Variants in TDRD10 observed in about 807,000 individuals in gnomAD.
TDRD10 encodes tudor domain containing 10.
A neutral mutation model predicts 48.0 loss-of-function variants in TDRD10; 40 were observed. The observed-to-expected ratio is 0.83, with a 90% confidence interval of 0.65 to 1.09. The LOEUF is 1.09. Ranked by LOEUF, TDRD10 falls within the 50% of genes least tolerant of loss-of-function variation. TDRD10 has a pLI of 0.00. For missense variants in TDRD10, 378 were observed against 434.7 expected, an observed-to-expected ratio of 0.87 and a Z score of 1.16; for synonymous variants, 162 against 170.4, an observed-to-expected ratio of 0.95 and a Z score of 0.38.
chr1:154,542,465 T>G (rs1169637135), intron 7 of TDRD10, among the ~76,000 whole-genome samples: 1 of 152,180 alleles, frequency 6.6e-6, no homozygotes, highest in East Asian at 1.9e-4. Context: ...TTGCCTTAAG[T>G]GATCCTTCCA....
At position 154,547,700 on chromosome 1, in the gene TDRD10, A is replaced by G; in HGVS notation, c.1046A>G (p.Glu349Gly). The G allele has an allele frequency of 3.1e-6, 5 of 1,613,792 alleles. No individual in the cohort carries two copies. Among genetic ancestry groups the G allele is most frequent in the Non-Finnish European group, 4.2e-6 (5 of 1,179,898 alleles). Reference sequence around the variant, plus strand: ...CAGTTGCACATCCTAAAGTTTGAAGAGTCTAAATAACGGGGCTTCCCTCAG... The same window carrying G: ...CAGTTGCACATCCTAAAGTTTGAAGGGTCTAAATAACGGGGCTTCCCTCAG... ...NSALHILKFE[E>G]SK The change falls in exon 13 of 13, where the codon GAG becomes GGG. Residue 349 changes from glutamate (E) to glycine (G), a missense_variant. By Grantham distance (98) the Glu-to-Gly change is moderately conservative. This residue lies in a region of TDRD10 where 68 missense variants were observed against 111.1 expected (regional missense o/e 0.61). Transcript: ENST00000368482.
chr1:154,511,516 AAAT>A (rs1253434451), intron 4 of TDRD10, among the ~76,000 whole-genome samples: 2 of 150,932 alleles, frequency 1.3e-5, no homozygotes, highest in African/African-American at 4.9e-5. Flanking sequence ...TAATAATACT[AAAT>A]AATACAAAAA....
intron 5 of TDRD10, among the ~76,000 whole-genome samples, chr1:154,520,723 G>T (rs149845701): frequency 6.6e-6 from 1 of 152,240 alleles, no homozygotes; most frequent in East Asian, 1.9e-4. Context: ...TATTTTCAAG[G>T]CAGTAAAAAG....
At chr1:154,508,510 T>C in intron 4 of TDRD10, 29 bp downstream of exon 4, 8 of 1,504,944 alleles carry the variant, frequency 5.3e-6, no homozygotes, top group Non-Finnish European at 6.5e-6. Context: ...AGGCTGCTTA[T>C]CTTCCTTGGC....
At chr1:154,543,002 G>A (rs78208029) in intron 8 of TDRD10, among the ~76,000 whole-genome samples, 181 bp downstream of exon 8, 3,196 of 152,204 alleles carry the variant, frequency 0.021, 121 homozygotes, top group African/African-American at 0.074. Flanking sequence ...CCAGCCGGGG[G>A]CAGTGACTCA....
intron 6 of TDRD10, among the ~76,000 whole-genome samples, chr1:154,531,188 T>C (rs1308832298): frequency 6.6e-6 from 1 of 152,158 alleles, no homozygotes; most frequent in African/African-American, 2.4e-5. Flanking sequence ...CTTGGTTCAT[T>C]TGTTTTAAGG....
intron 4 of TDRD10, among the ~76,000 whole-genome samples, chr1:154,517,865 G>A (rs1693860015): frequency 6.6e-6 from 1 of 152,198 alleles, no homozygotes; most frequent in Non-Finnish European, 1.5e-5. Flanking sequence ...TCTGGGACCT[G>A]TACTTAGGTG....
At chr1:154,525,888 TC>T (rs1459575458) in intron 6 of TDRD10, among the ~76,000 whole-genome samples, 6 of 87,816 alleles carry the variant, frequency 6.8e-5, no homozygotes, top group Non-Finnish European at 1.3e-4. Context: ...AGAGCAAGAT[TC>T]CGTCTCAAAA....
intron 1 of TDRD10, among the ~76,000 whole-genome samples, chr1:154,506,322 AG>A (rs1183865443): frequency 6.6e-6 from 1 of 151,488 alleles, no homozygotes; most frequent in Admixed American, 6.6e-5. Context: ...TAACAACAGT[AG>A]TAGAGTCCTT....
intron 11 of TDRD10, among the ~76,000 whole-genome samples, chr1:154,545,433 A>G (rs939595343): frequency 6.6e-6 from 1 of 152,234 alleles, no homozygotes; most frequent in African/African-American, 2.4e-5. Flanking sequence ...ATAGGTGGAA[A>G]TGAAGAGGCC....
At position 154,547,922 on chromosome 1, in the gene TDRD10, G is replaced by A; in HGVS notation, c.*212G>A. On this transcript the variant is annotated 3_prime_UTR_variant, in exon 13 of 13. Transcript: ENST00000368482. ...CATGTGTCTTCAGTTCCCCAACTTG[G>A]CATGAACATTTGAACCAAACATAGG... The A allele has an allele frequency of 3.3e-6, 2 of 612,946 alleles. No individual in the cohort carries two copies. The highest frequency in any genetic ancestry group is 6.1e-5 in the Admixed American group (2 of 33,036). 38.0% of individuals were successfully genotyped at this position (612,946 alleles called of 1,614,324 possible).
At chr1:154,512,393 G>A (rs1330434232) in intron 4 of TDRD10, among the ~76,000 whole-genome samples, 1 of 152,234 alleles carries the variant, frequency 6.6e-6, no homozygotes, top group South Asian at 2.1e-4. Flanking sequence ...TGCCCAGGCT[G>A]GAGTGCAATG....
intron 6 of TDRD10, 158 bp from the exon 7 acceptor site, chr1:154,541,864 GGA>G (rs1189688637): frequency 3.2e-6 from 2 of 630,082 alleles, no homozygotes; most frequent in Non-Finnish European, 5.5e-6. Flanking sequence ...CCGTGAGGAT[GGA>G]GAGAGTGGAC....
At chr1:154,533,978 C>T (rs1043724256) in intron 6 of TDRD10, among the ~76,000 whole-genome samples, 2 of 151,818 alleles carry the variant, frequency 1.3e-5, no homozygotes, top group Admixed American at 6.6e-5. Flanking sequence ...AAGCAATCCT[C>T]GTGTCTCCAC....
At chr1:154,508,605 C>T (rs1557812958) in intron 4 of TDRD10, 124 bp downstream of exon 4, 2 of 715,492 alleles carry the variant, frequency 2.8e-6, no homozygotes, top group Non-Finnish European at 5.1e-6. Context: ...TGCAGACAGT[C>T]ACTCGTTGGT....
intron 4 of TDRD10, among the ~76,000 whole-genome samples, chr1:154,519,857 G>C (rs1693965850): frequency 6.6e-6 from 1 of 152,026 alleles, no homozygotes; most frequent in Non-Finnish European, 1.5e-5. Context: ...AGAGGAGAAG[G>C]GTGTGGGGAA....
At chr1:154,544,226 T>C (rs2149354789) in intron 9 of TDRD10, 116 bp downstream of exon 9, 1 of 1,560,244 alleles carries the variant, frequency 6.4e-7, no homozygotes, top group Middle Eastern at 1.9e-4. Flanking sequence ...TACGGTCTGA[T>C]CCTGGGTTCA....
intron 4 of TDRD10, among the ~76,000 whole-genome samples, chr1:154,518,073 G>A (rs935125805): frequency 2.0e-5 from 3 of 152,224 alleles, no homozygotes; most frequent in African/African-American, 7.2e-5. Context: ...CACAAAGTCA[G>A]TGGTCCATAA....
chr1:154,514,679 GT>G (rs888434999), intron 4 of TDRD10, among the ~76,000 whole-genome samples: 2 of 151,904 alleles, frequency 1.3e-5, no homozygotes, highest in African/African-American at 4.8e-5. Flanking sequence ...TAGTTCATTT[GT>G]TTTTTTGTTT....
Sources: gnomAD v4.1 joint callset for allele counts (sites outside exome capture counted in the v4.1 genomes callset) on GRCh38, gnomAD v4.1.1 for gene constraint, gnomAD v4.1.1 regional missense constraint, MANE v1.5 for transcripts, NCBI Gene and HGNC (gene_info 2026-07-23, HGNC 2026-07-21) for gene names.